Variants in PRKACB observed in about 807,000 individuals in gnomAD.
PRKACB encodes cAMP-dependent protein kinase catalytic subunit beta.
In PRKACB, 16 loss-of-function variants were observed where a neutral mutation model predicts 51.4. That is an observed-to-expected ratio of 0.31 (90% CI 0.21 to 0.47). The LOEUF is 0.47. Ranked by LOEUF, PRKACB falls within the 20% of genes least tolerant of loss-of-function variation. PRKACB has a pLI of 1.00. For synonymous variants in PRKACB, 147 were observed against 154.4 expected, an observed-to-expected ratio of 0.95 and a Z score of 0.35; for missense variants, 309 against 464.5, an observed-to-expected ratio of 0.67 and a Z score of 3.08.
At chr1:84,179,094 A>G (rs1464229485) in intron 1 of PRKACB, 83 bp from the exon 2 acceptor site, 1 of 1,401,246 alleles carries the variant, frequency 7.1e-7, no homozygotes, top group Middle Eastern at 2.5e-4. Flanking sequence ...TTTAAGTGAG[A>G]AAACCATATG....
chr1:84,207,733 C>T (rs796168231), intron 8 of PRKACB, among the ~76,000 whole-genome samples: 28 of 152,308 alleles, frequency 1.8e-4, no homozygotes, highest in African/African-American at 6.7e-4. Context: ...ATGATCATTT[C>T]TCCTGCCAAT....
intron 1 of PRKACB, among the ~76,000 whole-genome samples, chr1:84,135,767 GCTT>G (rs1652741747): frequency 6.6e-6 from 1 of 152,016 alleles, no homozygotes; most frequent in South Asian, 2.1e-4. Flanking sequence ...TAAAGGCAGT[GCTT>G]AGGGGAAATT....
At chr1:84,147,134 A>G (rs951256501) in intron 1 of PRKACB, among the ~76,000 whole-genome samples, 3 of 152,080 alleles carry the variant, frequency 2.0e-5, no homozygotes, top group African/African-American at 7.2e-5. Context: ...TTAAGAAGCA[A>G]ATAGGTCAAT....
chr1:84,236,059 G>A lies in PRKACB; in HGVS notation c.*754G>A, dbSNP rs1676632638. 1 of 152,538 alleles carries A rather than the reference G, an allele frequency of 6.6e-6. No homozygotes were observed. The highest frequency in any genetic ancestry group is 1.5e-5 in the Non-Finnish European group (1 of 68,032). The allele number at this position is 152,538 out of a possible 1,614,324, so 9.4% of individuals were successfully genotyped here. On this transcript the variant is annotated 3_prime_UTR_variant, in exon 10 of 10. Coordinates refer to ENST00000370685, the MANE Select transcript of PRKACB (RefSeq NM_182948.4). ...TTCAGCAGGAAAAACTAATGATATG[G>A]ATCATCACCCAGATTCTCTCACTTG...
intron 1 of PRKACB, among the ~76,000 whole-genome samples, chr1:84,136,230 G>T (rs988993494): frequency 6.6e-6 from 1 of 151,732 alleles, no homozygotes; most frequent in African/African-American, 2.4e-5. Flanking sequence ...AAATTGAATC[G>T]ATTATTTAAA....
intron 5 of PRKACB, among the ~76,000 whole-genome samples, chr1:84,196,047 G>A (rs1425894692): frequency 6.6e-6 from 1 of 152,094 alleles, no homozygotes; most frequent in Non-Finnish European, 1.5e-5. Context: ...TTTCTGAATA[G>A]GTTTATGAGT....
intron 8 of PRKACB, chr1:84,204,915 G>A (rs1036170171): frequency 4.1e-6 from 4 of 972,788 alleles, no homozygotes; most frequent in Admixed American, 6.2e-5. Context: ...ATATTCAGCT[G>A]TTTATGAATA....
chr1:84,204,090 A>G (rs929058805), intron 8 of PRKACB, among the ~76,000 whole-genome samples: 3 of 151,998 alleles, frequency 2.0e-5, no homozygotes, highest in African/African-American at 7.2e-5. Flanking sequence ...ACATTTGCCA[A>G]TAGAATTAGT....
At chr1:84,146,687 A>G (rs746609521) in intron 1 of PRKACB, among the ~76,000 whole-genome samples, 5 of 151,988 alleles carry the variant, frequency 3.3e-5, no homozygotes, top group Non-Finnish European at 7.4e-5. Context: ...AAGCATAGAA[A>G]CTACATCAAT....
At chr1:84,170,849 C>A (rs556102354) in intron 1 of PRKACB, among the ~76,000 whole-genome samples, 3 of 151,402 alleles carry the variant, frequency 2.0e-5, no homozygotes, top group South Asian at 2.1e-4. Flanking sequence ...ACAAAATTGA[C>A]CTATGTAGGA....
chr1:84,094,557 G>T (rs146160585), intron 1 of PRKACB, among the ~76,000 whole-genome samples: 7 of 152,006 alleles, frequency 4.6e-5, no homozygotes, highest in African/African-American at 1.2e-4. Flanking sequence ...TGTGTTCAGA[G>T]AACATGTTTG....
At chr1:84,205,090 G>C (rs1452364029) in intron 8 of PRKACB, 1 of 981,362 alleles carries the variant, frequency 1.0e-6, no homozygotes, top group African/African-American at 1.7e-5. Flanking sequence ...AATATGACAG[G>C]ATATTTGGTG....
chr1:84,131,887 C>T lies in PRKACB; in HGVS notation c.47-47290C>T, dbSNP rs1652253454. Among the ~76,000 whole-genome samples the T allele has an allele frequency of 3.3e-5, 5 of 152,328 alleles. No individual in the cohort carries two copies. In the South Asian group the frequency reaches 1.0e-3, roughly 32 times the overall value. On this transcript the variant is annotated intron_variant, in intron 1 of 8. Coordinates refer to the PRKACB transcript ENST00000370688. The stretch of plus-strand genomic sequence containing the variant: ...TTGCTTCTATGTATTTTATCAGGTA[C>T]TTCATATTCTGATGAAGATCCTGGA...
At chr1:84,175,089 A>T in intron 1 of PRKACB, 1 of 1,409,342 alleles carries the variant, frequency 7.1e-7, no homozygotes, top group Non-Finnish European at 9.3e-7. Context: ...AACAAATATT[A>T]CCTTTAAAAT....
intron 1 of PRKACB, among the ~76,000 whole-genome samples, chr1:84,100,711 C>A (rs561550768): frequency 4.7e-4 from 72 of 152,226 alleles, no homozygotes; most frequent in Middle Eastern, 3.4e-3. Context: ...ATCTATCTAC[C>A]TACCTATCAA....
chr1:84,231,019 G>A (rs1375088746), intron 9 of PRKACB, among the ~76,000 whole-genome samples: 2 of 142,988 alleles, frequency 1.4e-5, no homozygotes, highest in African/African-American at 2.7e-5. Context: ...GTTTTCAAAG[G>A]GAATGCTTCC....
chr1:84,126,343 T>A (rs1651608413), intron 1 of PRKACB, among the ~76,000 whole-genome samples: 1 of 152,078 alleles, frequency 6.6e-6, no homozygotes, highest in Non-Finnish European at 1.5e-5. Context: ...CTTGGCAGGA[T>A]GGGGAGCTGG....
At chr1:84,189,969 A>G (rs1019052060) in intron 5 of PRKACB, among the ~76,000 whole-genome samples, 1 of 151,904 alleles carries the variant, frequency 6.6e-6, no homozygotes, top group Non-Finnish European at 1.5e-5. Context: ...TTTACACATA[A>G]AACTTTTTTC....
At chr1:84,127,203 TAGGG>T (rs1442544782) in intron 1 of PRKACB, among the ~76,000 whole-genome samples, 1 of 152,124 alleles carries the variant, frequency 6.6e-6, no homozygotes, top group Non-Finnish European at 1.5e-5. Flanking sequence ...TGAAGATAAA[TAGGG>T]AGGAAGACCA....
Sources: gnomAD v4.1 joint callset for allele counts (sites outside exome capture counted in the v4.1 genomes callset) on GRCh38, gnomAD v4.1.1 for gene constraint, MANE v1.5 for transcripts, NCBI Gene and HGNC (gene_info 2026-07-23, HGNC 2026-07-21) for gene names.